ATP13A4: variants seen among roughly 807,000 people sequenced by gnomAD.
The protein encoded by ATP13A4 is probable cation-transporting ATPase 13A4.
In ATP13A4, 114 loss-of-function variants were observed where a neutral mutation model predicts 142.5. The observed-to-expected ratio is 0.80, with a 90% CI of 0.69 to 0.93. The LOEUF is 0.93. ATP13A4 is among the 40% of genes least tolerant of loss of function. The probability of loss-of-function intolerance (pLI) is 0.00; values close to 1 mark genes in which losing one functional copy is unlikely to be tolerated. For missense variants in ATP13A4, 1,392 were observed against 1,454.0 expected (o/e 0.96, Z 0.69); for synonymous variants, 488 against 514.8 (o/e 0.95, Z 0.70).
chr3:193,563,639 C>G (rs1560284174), intron 2 of ATP13A4, among the ~76,000 whole-genome samples: 1 of 152,116 alleles, frequency 6.6e-6, no homozygotes, highest in Non-Finnish European at 1.5e-5. Flanking sequence ...GCACTCCAGC[C>G]TGGGCAATAG....
At chr3:193,518,937 G>T (rs1026947129) in intron 1 of ATP13A4, among the ~76,000 whole-genome samples, 1 of 152,056 alleles carries the variant, frequency 6.6e-6, no homozygotes, top group African/African-American at 2.4e-5. Flanking sequence ...GTCTCCCAGG[G>T]TACATTTGGC....
intron 25 of ATP13A4, among the ~76,000 whole-genome samples, chr3:193,427,776 T>C (rs1715746499): frequency 6.6e-6 from 1 of 152,100 alleles, no homozygotes; most frequent in African/African-American, 2.4e-5. Flanking sequence ...TTACACCTTA[T>C]ACAAAAATTA....
chr3:193,589,439 G>A (rs1724724719), intron 1 of ATP13A4, among the ~76,000 whole-genome samples: 1 of 152,088 alleles, frequency 6.6e-6, no homozygotes, highest in Non-Finnish European at 1.5e-5. Context: ...AAGCTTTTAT[G>A]TATAAATTTA....
chr3:193,555,650 G>C (rs1159998935), upstream of ATP13A4, among the ~76,000 whole-genome samples: 1 of 152,138 alleles, frequency 6.6e-6, no homozygotes, highest in Non-Finnish European at 1.5e-5. Flanking sequence ...TGAGCACAGG[G>C]ACTACCTAAA....
chr3:193,572,047 A>C (rs939777713), intron 2 of ATP13A4, among the ~76,000 whole-genome samples: 5 of 152,124 alleles, frequency 3.3e-5, no homozygotes, highest in African/African-American at 1.2e-4. Flanking sequence ...GGAGTTCAAG[A>C]CCAGCCTCAG....
chr3:193,501,541 C>G (rs1448456252), intron 3 of ATP13A4, among the ~76,000 whole-genome samples: 1 of 148,744 alleles, frequency 6.7e-6, no homozygotes, highest in Non-Finnish European at 1.5e-5. Flanking sequence ...TGAGCCAAGA[C>G]AGCGCCATTG....
intron 2 of ATP13A4, among the ~76,000 whole-genome samples, chr3:193,573,976 T>A (rs1724342956): frequency 6.6e-6 from 1 of 152,158 alleles, no homozygotes; most frequent in African/African-American, 2.4e-5. Flanking sequence ...TTGTGGGTGG[T>A]TGAATGATGA....
At chr3:193,431,654 A>T (rs1267079114) in intron 25 of ATP13A4, among the ~76,000 whole-genome samples, 2 of 151,476 alleles carry the variant, frequency 1.3e-5, no homozygotes, top group Admixed American at 1.3e-4. Context: ...ATGCTTCCAA[A>T]TATATATGGG....
intron 1 of ATP13A4, among the ~76,000 whole-genome samples, chr3:193,591,946 G>A (rs1724810179): frequency 6.6e-6 from 1 of 151,934 alleles, no homozygotes; most frequent in Non-Finnish European, 1.5e-5. Flanking sequence ...TTGCTCTCTG[G>A]ACCTGCCATT....
At position 193,483,900 on chromosome 3, in the gene ATP13A4, GT is replaced by G. The variant is rs770943866; in HGVS notation, c.808+35del. The G allele has an allele frequency of 2.1e-6, 3 of 1,422,938 alleles. No homozygotes were observed. The South Asian group carries it at 3.4e-5, about 16-fold the overall frequency. The allele number at this position is 1,422,938 out of a possible 1,614,324, so 88.1% of individuals were successfully genotyped here. A position where few individuals can be genotyped will look rare whatever the true frequency, so the allele number is the denominator to read the frequency against. ...AATTTAAATTCTTTTCTGATTCCAT[GT>G]GAATAGCATATAGATCTAAAATAAT... is the stretch of plus-strand genomic sequence containing the variant. On this transcript the variant is annotated intron_variant, in intron 8 of 29. Coordinates refer to ENST00000342695, the MANE Select transcript of ATP13A4 (RefSeq NM_032279.4).
chr3:193,568,769 G>T (rs922254414), intron 2 of ATP13A4, among the ~76,000 whole-genome samples: 1 of 152,070 alleles, frequency 6.6e-6, no homozygotes, highest in African/African-American at 2.4e-5. Flanking sequence ...AAATTAATGA[G>T]GATGGGTCAA....
At chr3:193,431,922 G>A (rs1289431948) in intron 25 of ATP13A4, among the ~76,000 whole-genome samples, 1 of 151,970 alleles carries the variant, frequency 6.6e-6, no homozygotes, top group Non-Finnish European at 1.5e-5. Context: ...CTGGATGTTA[G>A]AATCTGGCTA....
intron 1 of ATP13A4, among the ~76,000 whole-genome samples, chr3:193,592,357 T>C (rs745330792): frequency 6.6e-6 from 1 of 151,914 alleles, no homozygotes; most frequent in South Asian, 2.1e-4. Context: ...ATGGCTGAGA[T>C]CTGGGCCTGT....
chr3:193,551,405 C>T (rs185365183), intron 1 of ATP13A4, among the ~76,000 whole-genome samples: 2 of 152,078 alleles, frequency 1.3e-5, no homozygotes, highest in East Asian at 3.9e-4. Context: ...GAGCAAGACT[C>T]CGTGTAACAA....
intron 2 of ATP13A4, among the ~76,000 whole-genome samples, chr3:193,574,039 G>T (rs1224875190): frequency 6.6e-6 from 1 of 152,104 alleles, no homozygotes; most frequent in Non-Finnish European, 1.5e-5. Flanking sequence ...ATGTATATAT[G>T]TGCATATATG....
intron 23 of ATP13A4, among the ~76,000 whole-genome samples, chr3:193,437,066 T>G (rs1716325603): frequency 7.7e-6 from 1 of 129,946 alleles, no homozygotes; most frequent in Admixed American, 8.2e-5. Flanking sequence ...ATCCCGCCAC[T>G]GCACTCCAGC....
intron 3 of ATP13A4, among the ~76,000 whole-genome samples, chr3:193,499,190 A>C (rs1351917976): frequency 6.6e-6 from 1 of 152,242 alleles, no homozygotes; most frequent in Non-Finnish European, 1.5e-5. Context: ...TTGAAACATA[A>C]TGCATTTAAA....
At chr3:193,528,419 G>A (rs1380559578) in intron 1 of ATP13A4, among the ~76,000 whole-genome samples, 1 of 152,178 alleles carries the variant, frequency 6.6e-6, no homozygotes, top group Admixed American at 6.5e-5. Flanking sequence ...CTCAGGTTTT[G>A]ACTGACAGAA....
intron 1 of ATP13A4, among the ~76,000 whole-genome samples, chr3:193,536,855 T>C (rs1277739181): frequency 6.6e-6 from 1 of 152,046 alleles, no homozygotes; most frequent in Non-Finnish European, 1.5e-5. Context: ...TTAAAAATAC[T>C]ACTACAATCA....
Sources: gnomAD v4.1 joint callset for allele counts (sites outside exome capture counted in the v4.1 genomes callset) on GRCh38, gnomAD v4.1.1 for gene constraint, MANE v1.5 for transcripts, NCBI Gene and HGNC (gene_info 2026-07-23, HGNC 2026-07-21) for gene names.